NLN: variants seen among roughly 807,000 people sequenced by gnomAD.
NLN encodes neurolysin.
In NLN, 64 loss-of-function variants were observed where a neutral mutation model predicts 79.9. That is an observed-to-expected ratio of 0.80 (90% CI 0.65 to 0.99). The LOEUF (loss-of-function observed/expected upper bound fraction) is 0.99, where lower values mean the gene tolerates loss of function less well. Ranked by LOEUF, NLN falls within the 50% of genes least tolerant of loss-of-function variation. NLN has a pLI of 0.00. For synonymous variants in NLN, 267 were observed against 296.6 expected, an observed-to-expected ratio of 0.90 and a Z score of 1.02; for missense variants, 835 against 858.7, an observed-to-expected ratio of 0.97 and a Z score of 0.34.
chr5:65,766,364 A>C (rs186763202), intron 3 of NLN, among the ~76,000 whole-genome samples: 1 of 152,184 alleles, frequency 6.6e-6, no homozygotes, highest in East Asian at 1.9e-4. Flanking sequence ...CATGTCTTAC[A>C]TGATGTCAGG....
rs1369929040 is a variant in NLN at position 65,809,578 on chromosome 5, A to G, written c.1591A>G (p.Met531Val). 1.2e-6 allele frequency: 2 copies of G among 1,613,490 alleles called. No homozygotes were observed. Among genetic ancestry groups the G allele is most frequent in the East Asian group, 2.2e-5 (1 of 44,878 alleles). The part of the protein sequence containing the change: ...ETDFVEVPSQ[M>V]LENWVWDVDS... The stretch of plus-strand genomic sequence containing the variant: ...TGACTTTGTAGAGGTGCCATCGCAA[A>G]TGCTTGAAAATTGGGTGTGGGACGT... The change falls in exon 10 of 13, where the codon ATG becomes GTG. Residue 531 changes from methionine (M) to valine (V), a missense_variant. Met to Val is a conservative substitution (Grantham distance 21). Transcript: ENST00000380985.
At chr5:65,747,709 G>A (rs1759015205) in intron 1 of NLN, among the ~76,000 whole-genome samples, 1 of 152,148 alleles carries the variant, frequency 6.6e-6, no homozygotes, top group Admixed American at 6.5e-5. Context: ...ACAAACCAAT[G>A]GTGCAGTTCA....
At position 65,826,277 on chromosome 5, in the gene NLN, A is replaced by G. The variant is rs943974270; in HGVS notation, c.*3362A>G. 1 of 152,208 alleles carries G rather than the reference A, an allele frequency of 6.6e-6. No individual in the cohort carries two copies. Among genetic ancestry groups the G allele is most frequent in the Non-Finnish European group, 1.5e-5 (1 of 68,056 alleles). The allele number at this position is 152,208 out of a possible 1,614,324, so 9.4% of individuals were successfully genotyped here. On this transcript the variant is annotated 3_prime_UTR_variant, in exon 13 of 13. Coordinates refer to ENST00000380985, the MANE Select transcript of NLN (RefSeq NM_020726.5). ...TTACGAGAGCAGGAATCCCATCATG[A>G]GAGTTCCTTCCTCATGACTTTATCT...
chr5:65,726,403 G>A (rs879337950), intron 1 of NLN, among the ~76,000 whole-genome samples: 2 of 152,172 alleles, frequency 1.3e-5, no homozygotes, highest in Non-Finnish European at 2.9e-5. Flanking sequence ...GTATAGTTTG[G>A]TGTCATTGCC....
Position 65,763,102 on chromosome 5 carries a change from T to C in NLN, c.444T>C (p.His148=). The C allele has an allele frequency of 6.2e-7, 1 of 1,613,360 alleles. No homozygotes were observed. The highest frequency in any genetic ancestry group is 1.1e-5 in the South Asian group (1 of 91,048). The change falls in exon 3 of 13, where the codon CAT becomes CAC. Residue 148 remains histidine (H), a synonymous_variant. Coordinates refer to ENST00000380985, the MANE Select transcript of NLN (RefSeq NM_020726.5). ...GAGATATATTTGAGAGAATTGTTCA[T>C]TTACAGGTAAGTGGTGTTATAAATC... ...MRGDIFERIV[H]LQETCDLGKI... is the part of the protein sequence containing the mutation.
intron 3 of NLN, among the ~76,000 whole-genome samples, chr5:65,768,490 G>A (rs938987568): frequency 6.6e-6 from 1 of 152,174 alleles, no homozygotes; most frequent in Admixed American, 6.5e-5. Flanking sequence ...AATACGTGGG[G>A]ATTAAAATTC....
intron 2 of NLN, among the ~76,000 whole-genome samples, chr5:65,761,841 G>A (rs34985): frequency 0.22 from 34,151 of 152,072 alleles, 4,494 homozygotes; most frequent in South Asian, 0.36. Context: ...GGACTGATAC[G>A]AGTGTTTAAC....
At chr5:65,769,489 T>C (rs1349892961) in intron 3 of NLN, among the ~76,000 whole-genome samples, 1 of 152,238 alleles carries the variant, frequency 6.6e-6, no homozygotes, top group Admixed American at 6.5e-5. Context: ...TGCTTGCCTG[T>C]CTCAAAACAT....
At chr5:65,769,598 A>C (rs911851670) in intron 3 of NLN, among the ~76,000 whole-genome samples, 4 of 152,238 alleles carry the variant, frequency 2.6e-5, no homozygotes, top group African/African-American at 7.2e-5. Context: ...GGATGGAAGA[A>C]ATTACAGTAG....
At chr5:65,727,393 T>C (rs780227807) in intron 1 of NLN, among the ~76,000 whole-genome samples, 3 of 152,136 alleles carry the variant, frequency 2.0e-5, no homozygotes, top group Non-Finnish European at 4.4e-5. Flanking sequence ...TAGTCTAGAA[T>C]TCCTGGCCAC....
At chr5:65,792,357 G>A in intron 8 of NLN, 97 bp from the exon 9 acceptor site, 1 of 737,700 alleles carries the variant, frequency 1.4e-6, no homozygotes, top group Middle Eastern at 2.4e-4. Context: ...AGGCATCTCT[G>A]GTAACAGATA....
At chr5:65,725,910 A>C (rs1435210726) in intron 1 of NLN, among the ~76,000 whole-genome samples, 1 of 152,200 alleles carries the variant, frequency 6.6e-6, no homozygotes, top group African/African-American at 2.4e-5. Context: ...CAGGAGATCG[A>C]GACCATCCTG....
chr5:65,823,749 G>A lies in NLN; in HGVS notation c.*834G>A, dbSNP rs1029132417. On this transcript the variant is annotated 3_prime_UTR_variant, in exon 13 of 13. Coordinates refer to ENST00000380985, the MANE Select transcript of NLN (RefSeq NM_020726.5). ...TTTTCTCTTCTCACGTTTCTAATAA[G>A]TGTTAGGGACTTTGCCTCTTTTACT... The A allele has an allele frequency of 6.6e-6, 1 of 152,038 alleles. No individual in the cohort carries two copies. The highest frequency in any genetic ancestry group is 2.4e-5 in the African/African-American group (1 of 41,382). 9.4% of individuals were successfully genotyped at this position (152,038 alleles called of 1,614,324 possible).
intron 1 of NLN, among the ~76,000 whole-genome samples, chr5:65,743,740 A>C (rs1284477839): frequency 6.6e-6 from 1 of 152,210 alleles, no homozygotes; most frequent in Non-Finnish European, 1.5e-5. Flanking sequence ...CCTGTCCATC[A>C]TCTTAATACA....
Position 65,778,038 on chromosome 5 carries a change from G to T in NLN, c.558+504G>T, listed in dbSNP as rs920397407. ...CCCTGTTTTACATTCTTTAAGAGCT[G>T]TTCTCAGGTCTTAGTAGTTGATTTG... is the stretch of plus-strand genomic sequence containing the variant. On this transcript the variant is annotated intron_variant, in intron 4 of 12. Coordinates refer to ENST00000380985, the MANE Select transcript of NLN (RefSeq NM_020726.5). Among the ~76,000 whole-genome samples, 6 of 152,072 alleles carry T rather than the reference G, an allele frequency of 3.9e-5. No individual in the cohort carries two copies. In the East Asian group the frequency reaches 7.7e-4, roughly 20 times the overall value.
intron 1 of NLN, among the ~76,000 whole-genome samples, chr5:65,726,297 A>T (rs1758469952): frequency 6.6e-6 from 1 of 152,166 alleles, no homozygotes; most frequent in Admixed American, 6.5e-5. Flanking sequence ...GATTTAATAA[A>T]AATTCATACT....
intron 1 of NLN, among the ~76,000 whole-genome samples, chr5:65,758,280 AATT>A (rs1759263908): frequency 6.6e-6 from 1 of 152,076 alleles, no homozygotes; most frequent in Non-Finnish European, 1.5e-5. Context: ...TATAAAGGAG[AATT>A]ATTATAGCTC....
rs535433545 is a variant in NLN at position 65,758,575 on chromosome 5, G to C, written c.50G>C (p.Gly17Ala). 3.7e-6 allele frequency: 6 copies of C among 1,605,118 alleles called. No individual in the cohort carries two copies. The highest frequency in any genetic ancestry group is 1.7e-5 in the Admixed American group (1 of 59,862). Residue 17 changes from glycine to alanine, a missense_variant, in exon 2 of 13, where the codon GGT (glycine) becomes GCT (alanine). Gly to Ala is a moderately conservative substitution (Grantham distance 60). Transcript: ENST00000380985. ...TTTCTGATTCTTTTTAGAGTTGGTG[G>C]TTCCAGGATTTTACTCAGAATGACG... ...LAVRSLRRVGGSRILLRMTLG... is the reference protein window; with the variant it reads ...LAVRSLRRVGASRILLRMTLG...
intron 9 of NLN, chr5:65,792,994 G>C (rs1407622474): frequency 2.1e-5 from 8 of 378,070 alleles, no homozygotes; most frequent in Non-Finnish European, 4.1e-5. Context: ...GCTGTAATCT[G>C]TCTCTTCTGC....
Sources: allele counts gnomAD v4.1 joint callset (sites outside exome capture counted in the v4.1 genomes callset), GRCh38; gene constraint gnomAD v4.1.1; transcripts MANE v1.5; gene names NCBI Gene and HGNC (gene_info 2026-07-23, HGNC 2026-07-21).